The following ALMS1 variants were observed in gnomAD, a reference collection of about 807,000 sequenced individuals.
ALMS1 encodes centrosome-associated protein ALMS1.
A neutral mutation model predicts 352.2 loss-of-function variants in ALMS1; 271 were observed. That is an observed-to-expected ratio of 0.77 (90% CI 0.70 to 0.85). The LOEUF (loss-of-function observed/expected upper bound fraction) is 0.85, where lower values mean the gene tolerates loss of function less well. ALMS1 is among the 40% of genes least tolerant of loss of function. The pLI, the probability that ALMS1 is intolerant of heterozygous loss-of-function variation, is 0.00. For missense variants in ALMS1, 5,445 were observed against 4,870.7 expected, an observed-to-expected ratio of 1.12 and a Z score of -3.51; for synonymous variants, 1,865 against 1,761.2, an observed-to-expected ratio of 1.06 and a Z score of -1.48.
chr2:73,510,981 C>T (rs893752940), intron 10 of ALMS1, among the ~76,000 whole-genome samples: 4 of 152,178 alleles, frequency 2.6e-5, no homozygotes, highest in Non-Finnish European at 5.9e-5. Context: ...GCTTTGTTTA[C>T]ACTGTGAGGG....
At chr2:73,548,539 G>A (rs927820048) in intron 12 of ALMS1, among the ~76,000 whole-genome samples, 3 of 152,196 alleles carry the variant, frequency 2.0e-5, no homozygotes, top group African/African-American at 7.2e-5. Flanking sequence ...AGAACGAGGG[G>A]TGGTGGTGCA....
chr2:73,530,876 C>G (rs968286632), intron 11 of ALMS1, among the ~76,000 whole-genome samples: 4 of 152,220 alleles, frequency 2.6e-5, no homozygotes, highest in Non-Finnish European at 4.4e-5. Context: ...ATGTCCTGAG[C>G]TGTCCTTTTA....
intron 10 of ALMS1, among the ~76,000 whole-genome samples, chr2:73,507,145 G>A (rs1382826471): frequency 6.6e-6 from 1 of 152,146 alleles, no homozygotes; most frequent in South Asian, 2.1e-4. Context: ...GATCTTGGTG[G>A]ATAAGCTTTT....
intron 15 of ALMS1, among the ~76,000 whole-genome samples, chr2:73,562,027 A>C (rs1174917981): frequency 6.6e-6 from 1 of 152,304 alleles, no homozygotes; most frequent in East Asian, 1.9e-4. Flanking sequence ...AGCAATTAAA[A>C]AAAAATGATG....
chr2:73,417,813 T>C (rs964868050), intron 2 of ALMS1, among the ~76,000 whole-genome samples: 1 of 152,198 alleles, frequency 6.6e-6, no homozygotes, highest in Non-Finnish European at 1.5e-5. Context: ...CTATACTTAA[T>C]TATTAACTAA....
In ALMS1 at chr2:73,572,488, G is replaced by A. The variant is rs1470146152; in HGVS notation, c.10611G>A (p.Lys3537=). The A allele has an allele frequency of 3.7e-6, 6 of 1,613,746 alleles. No homozygotes were observed. The East Asian group carries it at 8.9e-5, about 24-fold the overall frequency. ...CLPLPYQNMD[K]TKTDYTRIKS... is the part of the protein sequence containing the mutation. ...CTCTTCCTTATCAAAACATGGACAAGACTAAGACAGATTATACCAGAATAA... is the reference window on the plus strand; with the variant it reads ...CTCTTCCTTATCAAAACATGGACAAAACTAAGACAGATTATACCAGAATAA... Residue 3537 remains lysine (K), a synonymous_variant, in exon 16 of 23, where the codon AAG becomes AAA. Transcript: ENST00000613296.
chr2:73,562,066 A>G (rs1300695896), intron 15 of ALMS1, among the ~76,000 whole-genome samples: 1 of 152,210 alleles, frequency 6.6e-6, no homozygotes, highest in African/African-American at 2.4e-5. Flanking sequence ...TGAAAATCCA[A>G]CACAATGATA....
intron 10 of ALMS1, among the ~76,000 whole-genome samples, chr2:73,503,036 A>T (rs992719493): frequency 6.6e-6 from 1 of 152,144 alleles, no homozygotes; most frequent in African/African-American, 2.4e-5. Flanking sequence ...GGAAATTCAT[A>T]CTAGTGCATT....
chr2:73,401,890 T>C (rs1415517224), intron 1 of ALMS1, among the ~76,000 whole-genome samples: 8 of 152,302 alleles, frequency 5.3e-5, no homozygotes, highest in Non-Finnish European at 1.0e-4. Flanking sequence ...CTTTAAAAAA[T>C]AGATTTCATA....
At chr2:73,589,134 T>G (rs527550329) in intron 16 of ALMS1, among the ~76,000 whole-genome samples, 63 of 152,162 alleles carry the variant, frequency 4.1e-4, no homozygotes, top group Non-Finnish European at 6.9e-4. Flanking sequence ...TTTTGTCTAT[T>G]TTTTACAAGA....
At chr2:73,576,746 G>A (rs1420005804) in intron 16 of ALMS1, among the ~76,000 whole-genome samples, 3 of 151,390 alleles carry the variant, frequency 2.0e-5, no homozygotes, top group Non-Finnish European at 4.4e-5. Context: ...TCAGCCTCCC[G>A]AGTAGCTGGG....
intron 1 of ALMS1, among the ~76,000 whole-genome samples, chr2:73,402,910 A>C (rs1210384243): frequency 6.6e-6 from 1 of 152,060 alleles, no homozygotes; most frequent in African/African-American, 2.4e-5. Context: ...GAGTTGCACA[A>C]GTTCTTTATA....
At position 73,451,939 on chromosome 2, in the gene ALMS1, T is replaced by C. The variant is rs1671951033; in HGVS notation, c.5412T>C (p.Thr1804=). ...CTGGGGTATCAACAGTAACCTCTAC[T>C]TCCTACTCACACAGAGAGAAGCCCA... ...QKTGVSTVTS[T]SYSHREKPIV... The change falls in exon 8 of 23, where the codon ACT becomes ACC. Residue 1804 remains threonine, a synonymous_variant. Coordinates refer to ENST00000613296, the MANE Select transcript of ALMS1 (RefSeq NM_001378454.1). 1.2e-6 allele frequency: 2 copies of C among 1,613,934 alleles called. No homozygotes were observed. The highest frequency in any genetic ancestry group is 2.7e-5 in the African/African-American group (2 of 74,864).
intron 12 of ALMS1, among the ~76,000 whole-genome samples, chr2:73,539,334 C>A (rs576193023): frequency 6.0e-4 from 91 of 151,754 alleles, no homozygotes; most frequent in Middle Eastern, 3.2e-3. Context: ...CTGACTGTTA[C>A]TAACAAACAG....
chr2:73,390,756 T>G (rs1392389522), intron 1 of ALMS1, among the ~76,000 whole-genome samples: 1 of 152,064 alleles, frequency 6.6e-6, no homozygotes, highest in East Asian at 1.9e-4. Flanking sequence ...TCATCAACAG[T>G]GCTTGGAAAT....
chr2:73,491,424 C>G lies in ALMS1; in HGVS notation c.9465C>G (p.Ser3155=), dbSNP rs1398748602. 1.2e-6 allele frequency: 2 copies of G among 1,614,124 alleles called. No individual in the cohort carries two copies. The highest frequency in any genetic ancestry group is 1.3e-5 in the African/African-American group (1 of 75,024). The change falls in exon 10 of 23, where the codon TCC becomes TCG. Residue 3155 remains serine (S), a synonymous_variant. Coordinates refer to ENST00000613296, the MANE Select transcript of ALMS1 (RefSeq NM_001378454.1). ...CTCAGAATAGCCAGATAGTAACCTCCAGGCAAATACAAGTGAACATTTCAG... is the reference window on the plus strand; with the variant it reads ...CTCAGAATAGCCAGATAGTAACCTCGAGGCAAATACAAGTGAACATTTCAG... The part of the protein sequence containing the change: ...IPSQNSQIVT[S]RQIQVNISDF...
At chr2:73,550,589 C>A in intron 13 of ALMS1, 152 bp downstream of exon 13, 1 of 903,186 alleles carries the variant, frequency 1.1e-6, no homozygotes, top group Non-Finnish European at 1.6e-6. Context: ...GGCAAAATTT[C>A]ATAAAATCCT....
intron 7 of ALMS1, among the ~76,000 whole-genome samples, chr2:73,446,035 C>G (rs992854659): frequency 2.0e-5 from 3 of 152,164 alleles, no homozygotes; most frequent in African/African-American, 7.2e-5. Context: ...GATCACCATT[C>G]TTCTGACAGT....
intron 12 of ALMS1, among the ~76,000 whole-genome samples, chr2:73,544,666 CAT>C (rs1410502048): frequency 8.5e-5 from 13 of 152,052 alleles, no homozygotes; most frequent in African/African-American, 3.1e-4. Context: ...AAAAATTAAA[CAT>C]AGAATTATAG....
Sources: allele counts gnomAD v4.1 joint callset (sites outside exome capture counted in the v4.1 genomes callset), GRCh38; gene constraint gnomAD v4.1.1; transcripts MANE v1.5; gene names NCBI Gene and HGNC (gene_info 2026-07-23, HGNC 2026-07-21).